The following ESRRG variants were observed in gnomAD, a reference collection of about 807,000 sequenced individuals.
ESRRG encodes the protein estrogen related receptor gamma.
In ESRRG, 13 loss-of-function variants were observed where a neutral mutation model predicts 44.0. The ratio of observed to expected loss-of-function variants is 0.30; its 90% CI spans 0.19 to 0.47. The LOEUF (loss-of-function observed/expected upper bound fraction) is 0.47, where lower values mean the gene tolerates loss of function less well. ESRRG is among the 20% of genes least tolerant of loss of function. ESRRG has a pLI of 1.00. For missense variants in ESRRG, 395 were observed against 580.6 expected, an observed-to-expected ratio of 0.68 and a Z score of 3.29; for synonymous variants, 215 against 214.6, an observed-to-expected ratio of 1.00 and a Z score of -0.02.
chr1:216,871,754 G>A (rs533725154), intron 2 of ESRRG, among the ~76,000 whole-genome samples: 13 of 151,834 alleles, frequency 8.6e-5, no homozygotes, highest in East Asian at 3.9e-4. Context: ...TCTTTATGTC[G>A]TAGTTGCCAT....
chr1:216,739,896 G>A (rs11572660), intron 2 of ESRRG, among the ~76,000 whole-genome samples: 26 of 152,222 alleles, frequency 1.7e-4, no homozygotes, highest in African/African-American at 4.6e-4. Flanking sequence ...ATGCAAAGAC[G>A]TCTCTTTCCT....
chr1:216,633,303 G>A lies in ESRRG; in HGVS notation c.589+17670C>T, dbSNP rs148572436. On this transcript the variant is annotated intron_variant, in intron 3 of 6. Coordinates refer to ENST00000408911, the MANE Select transcript of ESRRG (RefSeq NM_001438.4). Reference sequence around the variant, plus strand: ...GAGACAGCATGAGCAAGGTGGTGGCGAGACAGATGCTCTCAGTGGGCTTGC... The same window carrying A: ...GAGACAGCATGAGCAAGGTGGTGGCAAGACAGATGCTCTCAGTGGGCTTGC... Among the ~76,000 whole-genome samples the A allele has an allele frequency of 4.2e-3, 633 of 152,296 alleles. 8 individuals are homozygous for A. The highest frequency in any genetic ancestry group is 0.014 in the African/African-American group (574 of 41,568).
intron 1 of ESRRG, among the ~76,000 whole-genome samples, chr1:217,126,956 T>C (rs931336261): frequency 1.3e-5 from 2 of 152,190 alleles, no homozygotes; most frequent in African/African-American, 4.8e-5. Context: ...TTGAAATAGA[T>C]GTGATATTAC....
rs1021955647 is a variant in ESRRG, at chr1:216,934,781, C to T, written c.-14+4801G>A. Reference sequence around the variant, plus strand: ...GGATGGGATCACAGCCAAACCATATCCATTGTTTTTTAAAAAGTGGTTATC... The same window carrying T: ...GGATGGGATCACAGCCAAACCATATTCATTGTTTTTTAAAAAGTGGTTATC... On this transcript the variant is annotated intron_variant, in intron 2 of 7. Coordinates refer to the ESRRG transcript ENST00000359162. Among the ~76,000 whole-genome samples the T allele has an allele frequency of 2.6e-5, 4 of 152,054 alleles. No homozygotes were observed. In the South Asian group the frequency reaches 8.3e-4, roughly 32 times the overall value.
At chr1:217,010,475 A>G (rs1397717988) in intron 1 of ESRRG, among the ~76,000 whole-genome samples, 3 of 152,194 alleles carry the variant, frequency 2.0e-5, no homozygotes, top group Non-Finnish European at 4.4e-5. Flanking sequence ...ACTGATTTGT[A>G]AAATGATCAG....
intron 2 of ESRRG, among the ~76,000 whole-genome samples, chr1:216,658,874 AGAAGAGAAG>A (rs2071416244): frequency 2.2e-5 from 2 of 90,334 alleles, no homozygotes; most frequent in African/African-American, 6.3e-5. Context: ...AGAAGAGAAG[AGAAGAGAAG>A]AGAAGAGAAG....
At chr1:216,723,495 C>A (rs1365819643), upstream of ESRRG, 11 of 575,188 alleles carry the variant, frequency 1.9e-5, no homozygotes, top group Non-Finnish European at 2.8e-5. Flanking sequence ...TAGGGCTTTA[C>A]ATATGCAGTC....
chr1:216,812,256 C>G (rs1336462950), intron 2 of ESRRG, among the ~76,000 whole-genome samples: 2 of 152,176 alleles, frequency 1.3e-5, no homozygotes, highest in East Asian at 3.9e-4. Context: ...CTGTTTTTAA[C>G]ATATTTCTTT....
At chr1:217,135,527 C>CGCGGCGGCGGCGGCGGCGGTGTTG (rs2093037083) in intron 1 of ESRRG, among the ~76,000 whole-genome samples, 1 of 151,266 alleles carries the variant, frequency 6.6e-6, no homozygotes, top group African/African-American at 2.4e-5. Context: ...GGGGCGCGCG[C>CGCGGCGGCGGCGGCGGCGGTGTTG]GCGGCGGCGG....
chr1:216,871,553 C>G (rs949489086), intron 2 of ESRRG, among the ~76,000 whole-genome samples: 6 of 151,874 alleles, frequency 4.0e-5, no homozygotes. Context: ...TTAGTTTTAA[C>G]TATTACAGAA....
At chr1:216,930,213 T>C (rs934360695) in intron 2 of ESRRG, among the ~76,000 whole-genome samples, 3 of 152,228 alleles carry the variant, frequency 2.0e-5, no homozygotes, top group African/African-American at 7.2e-5. Context: ...TCCTTCCTTC[T>C]GCTTCAGATA....
At chr1:216,751,483 G>T (rs924706715) in intron 2 of ESRRG, among the ~76,000 whole-genome samples, 1 of 152,006 alleles carries the variant, frequency 6.6e-6, no homozygotes, top group Non-Finnish European at 1.5e-5. Context: ...TTGGTGGGGG[G>T]TATTTTGCCT....
At chr1:216,746,077 A>T (rs1012586930) in intron 2 of ESRRG, among the ~76,000 whole-genome samples, 4 of 152,224 alleles carry the variant, frequency 2.6e-5, no homozygotes, top group Admixed American at 2.0e-4. Flanking sequence ...TAAAAATAAT[A>T]ACAGCCTTCT....
chr1:216,557,767 T>G (rs2057884400), intron 5 of ESRRG, among the ~76,000 whole-genome samples: 1 of 152,228 alleles, frequency 6.6e-6, no homozygotes, highest in Admixed American at 6.5e-5. Context: ...TATGTATTTA[T>G]GCAGACATAG....
chr1:217,060,275 T>TA (rs1244467558), intron 1 of ESRRG, among the ~76,000 whole-genome samples: 9 of 152,124 alleles, frequency 5.9e-5, no homozygotes, highest in African/African-American at 2.2e-4. Flanking sequence ...TCCAATCTCC[T>TA]ACTGAGAAGA....
intron 2 of ESRRG, among the ~76,000 whole-genome samples, chr1:216,670,526 A>G (rs1302886758): frequency 6.6e-6 from 1 of 152,212 alleles, no homozygotes; most frequent in Non-Finnish European, 1.5e-5. Context: ...GTGTGAAGGG[A>G]AAAAAGCCCA....
intron 2 of ESRRG, among the ~76,000 whole-genome samples, chr1:216,889,275 G>T (rs1355501620): frequency 1.3e-5 from 2 of 152,200 alleles, no homozygotes; most frequent in African/African-American, 4.8e-5. Context: ...TTTCTAAGAA[G>T]GTTGCTGAAG....
At chr1:216,708,111 C>G (rs1444725567) in intron 1 of ESRRG, among the ~76,000 whole-genome samples, 1 of 151,868 alleles carries the variant, frequency 6.6e-6, no homozygotes, top group African/African-American at 2.4e-5. Context: ...TTTGAATATT[C>G]TTGGTATATT....
intron 1 of ESRRG, chr1:217,077,019 A>G (rs554134000): frequency 6.6e-6 from 1 of 152,266 alleles, no homozygotes; most frequent in East Asian, 1.9e-4. Flanking sequence ...TCCCTTTAAA[A>G]CTGAACAGAA....
Sources: allele counts gnomAD v4.1 joint callset (sites outside exome capture counted in the v4.1 genomes callset), GRCh38; gene constraint gnomAD v4.1.1; transcripts MANE v1.5; gene names NCBI Gene and HGNC (gene_info 2026-07-23, HGNC 2026-07-21).